The following ARFGAP3 variants were observed in gnomAD, a reference collection of about 807,000 sequenced individuals.
ARFGAP3 encodes ARF GTPase activating protein 3.
A neutral mutation model predicts 75.0 loss-of-function variants in ARFGAP3; 72 were observed. The observed-to-expected ratio is 0.96, with a 90% CI of 0.79 to 1.17. ARFGAP3 has a LOEUF of 1.17. ARFGAP3 is among the 50% of genes most tolerant of loss of function. The pLI is 0.00. For synonymous variants in ARFGAP3, 221 were observed against 217.9 expected (o/e 1.01, Z -0.13); for missense variants, 620 against 626.6 (o/e 0.99, Z 0.11).
At chr22:42,845,346 G>A (rs931417060) in intron 2 of ARFGAP3, among the ~76,000 whole-genome samples, 5 of 152,208 alleles carry the variant, frequency 3.3e-5, no homozygotes, top group Admixed American at 1.3e-4. Context: ...CCAACACGGC[G>A]AAACTCTGTC....
In ARFGAP3 at chr22:42,835,282, T is replaced by C. The variant is rs539296107; in HGVS notation, c.393+80A>G. The C allele has an allele frequency of 6.6e-5, 100 of 1,516,034 alleles. No individual in the cohort carries two copies. The African/African-American group carries it at 1.3e-3, about 20-fold the overall frequency. 93.9% of individuals were successfully genotyped at this position (1,516,034 alleles called of 1,614,324 possible). A position where few individuals can be genotyped will look rare whatever the true frequency, so the allele number is the denominator to read the frequency against. On this transcript the variant is annotated intron_variant, in intron 4 of 15. Transcript: ENST00000263245. ...GTAAGACAACTCAGGTAGAAAAGTT[T>C]TACTATTCAGGATAAAAATCACTTT... is the stretch of plus-strand genomic sequence containing the variant.
At chr22:42,839,469 G>A (rs569997185) in intron 3 of ARFGAP3, among the ~76,000 whole-genome samples, 2 of 151,814 alleles carry the variant, frequency 1.3e-5, no homozygotes, top group South Asian at 4.2e-4. Flanking sequence ...ATGGTGACGT[G>A]CACCTGTAGT....
intron 5 of ARFGAP3, among the ~76,000 whole-genome samples, chr22:42,832,501 A>C (rs1926338897): frequency 6.6e-6 from 1 of 151,206 alleles, no homozygotes; most frequent in Non-Finnish European, 1.5e-5. Flanking sequence ...AGTGCACTCC[A>C]ACGTGGGTGA....
chr22:42,807,169 GA>G lies in ARFGAP3; in HGVS notation c.1321-7del. On this transcript the variant is annotated splice_polypyrimidine_tract_variant and splice_region_variant and intron_variant, in intron 13 of 15. Transcript: ENST00000263245. ...AGGCGGGCCCTGGTCTCATACTAGA[GA>G]AGACAAGGAAAAGGAAATGTTAGGC... The G allele has an allele frequency of 1.9e-6, 3 of 1,603,672 alleles. No homozygotes were observed. The highest frequency in any genetic ancestry group is 2.6e-6 in the Non-Finnish European group (3 of 1,175,860).
intron 5 of ARFGAP3, among the ~76,000 whole-genome samples, chr22:42,833,594 A>G (rs1436851247): frequency 6.6e-6 from 1 of 152,174 alleles, no homozygotes; most frequent in African/African-American, 2.4e-5. Context: ...CGTCTCTACT[A>G]CAAATACAAA....
chr22:42,853,021 C>G (rs1387446128), intron 1 of ARFGAP3, among the ~76,000 whole-genome samples: 3 of 152,228 alleles, frequency 2.0e-5, no homozygotes, highest in Non-Finnish European at 4.4e-5. Flanking sequence ...GCCTCAGCCT[C>G]CCAAGGTACT....
At chr22:42,846,038 C>CAAAAAAAAAAAAAAAAAAAAAAAA (rs60266541) in intron 2 of ARFGAP3, among the ~76,000 whole-genome samples, 1 of 88,110 alleles carries the variant, frequency 1.1e-5, no homozygotes. Flanking sequence ...AACTCCATCT[C>CAAAAAAAAAAAAAAAAAAAAAAAA]AAAAAAAAAA....
At chr22:42,829,611 T>C (rs1926196545) in intron 6 of ARFGAP3, among the ~76,000 whole-genome samples, 1 of 152,240 alleles carries the variant, frequency 6.6e-6, no homozygotes, top group Non-Finnish European at 1.5e-5. Flanking sequence ...CTTTGCATAG[T>C]AAGGAAACAA....
At position 42,822,179 on chromosome 22, in the gene ARFGAP3, C is replaced by A. The variant is rs1046468057; in HGVS notation, c.812+91G>T. The A allele has an allele frequency of 1.3e-5, 14 of 1,056,778 alleles. No individual in the cohort carries two copies. In the East Asian group the frequency reaches 1.7e-4, roughly 13 times the overall value. 65.5% of individuals were successfully genotyped at this position (1,056,778 alleles called of 1,614,324 possible). On this transcript the variant is annotated intron_variant, in intron 9 of 15. Coordinates refer to ENST00000263245, the MANE Select transcript of ARFGAP3 (RefSeq NM_014570.5). ...TTTGCAGTACCCTCCCTTCCCCCCC[C>A]ACACAAAAATACATGGCATTTGGAA...
intron 14 of ARFGAP3, among the ~76,000 whole-genome samples, chr22:42,801,591 G>A (rs758530111): frequency 9.2e-5 from 14 of 152,226 alleles, no homozygotes; most frequent in Non-Finnish European, 1.6e-4. Context: ...CATCGCCCCT[G>A]CAGCCTGGCA....
chr22:42,801,590 T>C (rs1198431376), intron 14 of ARFGAP3, among the ~76,000 whole-genome samples: 2 of 152,224 alleles, frequency 1.3e-5, no homozygotes, highest in African/African-American at 2.4e-5. Context: ...ACATCGCCCC[T>C]GCAGCCTGGC....
In ARFGAP3 at chr22:42,835,496, A is replaced by G. The variant is rs1234227535; in HGVS notation, c.262-3T>C. On this transcript the variant is annotated splice_region_variant and splice_polypyrimidine_tract_variant and intron_variant, in intron 3 of 15. Coordinates refer to ENST00000263245, the MANE Select transcript of ARFGAP3 (RefSeq NM_014570.5). Reference sequence around the variant, plus strand: ...CCATGTTGATGAAAAAAGGAAGACTACAGAGAAAAGCATGCACATTAATAT... The same window carrying G: ...CCATGTTGATGAAAAAAGGAAGACTGCAGAGAAAAGCATGCACATTAATAT... The G allele has an allele frequency of 1.2e-6, 2 of 1,613,658 alleles. No individual in the cohort carries two copies. The highest frequency in any genetic ancestry group is 1.7e-6 in the Non-Finnish European group (2 of 1,179,686).
intron 15 of ARFGAP3, 149 bp from the exon 16 acceptor site, chr22:42,797,754 G>A: frequency 2.6e-6 from 4 of 1,552,718 alleles, no homozygotes; most frequent in Middle Eastern, 3.4e-4. Flanking sequence ...GTGCTCATCT[G>A]GAAGCAGCCA....
At chr22:42,847,689 G>GT in intron 1 of ARFGAP3, 57 bp from the exon 2 acceptor site, 2 of 1,573,024 alleles carry the variant, frequency 1.3e-6, no homozygotes, top group Non-Finnish European at 1.7e-6. Flanking sequence ...AAATTATCCT[G>GT]TAAGATACAG....
chr22:42,802,291 T>G (rs898578050), intron 14 of ARFGAP3, among the ~76,000 whole-genome samples: 7 of 151,386 alleles, frequency 4.6e-5, no homozygotes, highest in Admixed American at 6.6e-5. Context: ...AATAACAATT[T>G]TTTTTTTTTT....
At chr22:42,841,614 G>A (rs999673252) in intron 2 of ARFGAP3, among the ~76,000 whole-genome samples, 2 of 152,152 alleles carry the variant, frequency 1.3e-5, no homozygotes, top group Non-Finnish European at 2.9e-5. Context: ...CCTCAACAAT[G>A]CACATTCCCC....
At position 42,808,215 on chromosome 22, in the gene ARFGAP3, T is replaced by C. The variant is rs571817892; in HGVS notation, c.1320+552A>G. Among the ~76,000 whole-genome samples the C allele has an allele frequency of 4.0e-5, 6 of 151,868 alleles. No individual in the cohort carries two copies. In the South Asian group the frequency reaches 8.3e-4, roughly 21 times the overall value. On this transcript the variant is annotated intron_variant, in intron 13 of 15. Coordinates refer to ENST00000263245, the MANE Select transcript of ARFGAP3 (RefSeq NM_014570.5). ...GAGTTCAAGACCAGCCTAGCCAATA[T>C]GGTGAAACCTCATCTCTACTAAAAA...
chr22:42,807,274 CT>C, intron 13 of ARFGAP3, 111 bp from the exon 14 acceptor site: 1 of 1,462,842 alleles, frequency 6.8e-7, no homozygotes, highest in Non-Finnish European at 9.0e-7. Context: ...CAGGCTCTTT[CT>C]TTCCAACAGT....
chr22:42,835,980 C>CTTTTTT (rs545758118), intron 3 of ARFGAP3, among the ~76,000 whole-genome samples: 4 of 105,740 alleles, frequency 3.8e-5, no homozygotes, highest in African/African-American at 3.8e-5. Flanking sequence ...CCATTTCTTT[C>CTTTTTT]TTTTTTTTTT....
Sources: allele counts gnomAD v4.1 joint callset (sites outside exome capture counted in the v4.1 genomes callset), GRCh38; gene constraint gnomAD v4.1.1; transcripts MANE v1.5; gene names NCBI Gene and HGNC (gene_info 2026-07-23, HGNC 2026-07-21).